The following SIPA1L3 variants were observed in gnomAD, a reference collection of about 807,000 sequenced individuals.
SIPA1L3 encodes signal-induced proliferation-associated 1-like protein 3.
Under a neutral mutation model 150.1 loss-of-function variants are expected in SIPA1L3, and 59 were observed. That is an observed-to-expected ratio of 0.39 (90% CI 0.32 to 0.49). The LOEUF is 0.49. Ranked by LOEUF, SIPA1L3 falls within the 20% of genes least tolerant of loss-of-function variation. The probability of loss-of-function intolerance (pLI) is 0.86; values close to 1 mark genes in which losing one functional copy is unlikely to be tolerated. For missense variants in SIPA1L3, 2,211 were observed against 2,489.5 expected (o/e 0.89, Z 2.38); for synonymous variants, 1,070 against 1,077.6 (o/e 0.99, Z 0.14).
intron 1 of SIPA1L3, among the ~76,000 whole-genome samples, chr19:38,018,182 T>TTTA (rs1369224810): frequency 6.8e-6 from 1 of 147,404 alleles, no homozygotes; most frequent in Admixed American, 6.8e-5. Flanking sequence ...TTTTTTTTTT[T>TTTA]AGGCAGAGTC....
At chr19:38,127,728 G>T (rs1224015140) in intron 9 of SIPA1L3, among the ~76,000 whole-genome samples, 1 of 151,918 alleles carries the variant, frequency 6.6e-6, no homozygotes, top group African/African-American at 2.4e-5. Flanking sequence ...TGAACTCCTG[G>T]GCTCAAGCAG....
In SIPA1L3 at chr19:37,963,290, T is replaced by C. The variant is rs560593589; in HGVS notation, c.-379+55932T>C. On this transcript the variant is annotated intron_variant, in intron 1 of 21. Coordinates refer to ENST00000222345, the MANE Select transcript of SIPA1L3 (RefSeq NM_015073.3). ...CAGCAAGGGCCCCCTCTAGTCTCTC[T>C]GGAGCTTGTGTGCAACCTTGTATAT... Among the ~76,000 whole-genome samples, 4 of 152,376 alleles carry C rather than the reference T, an allele frequency of 2.6e-5. No homozygotes were observed. The South Asian group carries it at 8.3e-4, about 32-fold the overall frequency.
At chr19:37,948,973 CG>C (rs1028177774) in intron 1 of SIPA1L3, among the ~76,000 whole-genome samples, 1 of 152,100 alleles carries the variant, frequency 6.6e-6, no homozygotes, top group African/African-American at 2.4e-5. Context: ...AGGAGGGCAG[CG>C]GGGGAGAATG....
intron 18 of SIPA1L3, among the ~76,000 whole-genome samples, chr19:38,195,825 C>G (rs908332124): frequency 4.2e-5 from 6 of 141,972 alleles, no homozygotes; most frequent in Non-Finnish European, 7.7e-5. Flanking sequence ...TCTCTCACCC[C>G]CCTCCGTCCC....
chr19:38,160,304 G>A (rs1032314599), intron 13 of SIPA1L3, among the ~76,000 whole-genome samples: 1 of 151,776 alleles, frequency 6.6e-6, no homozygotes, highest in Admixed American at 6.6e-5. Context: ...ATGAGCCACC[G>A]CACCTGGCCA....
intron 1 of SIPA1L3, among the ~76,000 whole-genome samples, chr19:37,960,228 T>A (rs765363117): frequency 3.3e-5 from 5 of 152,166 alleles, no homozygotes; most frequent in Admixed American, 3.3e-4. Flanking sequence ...CTCTCAGTCT[T>A]TGTCTGGGAA....
At chr19:37,982,231 G>A (rs1029590906) in intron 1 of SIPA1L3, among the ~76,000 whole-genome samples, 9 of 152,194 alleles carry the variant, frequency 5.9e-5, no homozygotes, top group African/African-American at 1.7e-4. Context: ...AGAGAAAGGC[G>A]GCAGAACCAG....
chr19:37,968,367 C>T (rs562848171), intron 1 of SIPA1L3, among the ~76,000 whole-genome samples: 3 of 152,262 alleles, frequency 2.0e-5, no homozygotes, highest in Admixed American at 6.5e-5. Context: ...CCACCGCGCC[C>T]GGCCGGCCTC....
At chr19:37,995,141 C>T (rs1456856991) in intron 1 of SIPA1L3, among the ~76,000 whole-genome samples, 1 of 152,174 alleles carries the variant, frequency 6.6e-6, no homozygotes, top group African/African-American at 2.4e-5. Context: ...TACCCCTCCT[C>T]CCAGCAGACC....
At chr19:38,174,521 T>C (rs1056909282) in intron 15 of SIPA1L3, among the ~76,000 whole-genome samples, 1 of 152,126 alleles carries the variant, frequency 6.6e-6, no homozygotes, top group Non-Finnish European at 1.5e-5. Context: ...CCTTAGGTGC[T>C]CTGAGGCTCA....
intron 15 of SIPA1L3, among the ~76,000 whole-genome samples, chr19:38,169,717 A>G (rs1051730913): frequency 6.6e-6 from 1 of 152,224 alleles, no homozygotes; most frequent in African/African-American, 2.4e-5. Context: ...CTGGTCCAAG[A>G]CCTGTTACAG....
At chr19:38,067,258 T>C (rs1160393669) in intron 2 of SIPA1L3, among the ~76,000 whole-genome samples, 8 of 152,044 alleles carry the variant, frequency 5.3e-5, no homozygotes, top group African/African-American at 1.9e-4. Context: ...TTCTAACTTA[T>C]TCTTTCTATT....
chr19:37,918,407 G>A (rs1037503441), intron 1 of SIPA1L3, among the ~76,000 whole-genome samples: 1 of 151,652 alleles, frequency 6.6e-6, no homozygotes, highest in South Asian at 2.1e-4. Context: ...CTACAGGTGC[G>A]CGCCACCACA....
At chr19:37,956,076 A>G (rs1205157505) in intron 1 of SIPA1L3, among the ~76,000 whole-genome samples, 1 of 152,192 alleles carries the variant, frequency 6.6e-6, no homozygotes, top group African/African-American at 2.4e-5. Flanking sequence ...TACAGTATCA[A>G]ACTCCTGGGC....
chr19:38,102,511 T>C (rs12982734), intron 6 of SIPA1L3, among the ~76,000 whole-genome samples: 46,476 of 149,944 alleles, frequency 0.31, 7,971 homozygotes, highest in East Asian at 0.61. Context: ...AATCCCAACA[T>C]TTTGGGAGGC....
At position 37,989,697 on chromosome 19, in the gene SIPA1L3, G is replaced by A. The variant is rs184539639; in HGVS notation, c.-378-39392G>A. ...TTTTTTTTTTTTGAGATGGAGTCTC[G>A]CTCTGTCACCCAGGCTGGAGTGCAA... On this transcript the variant is annotated intron_variant, in intron 1 of 21. Transcript: ENST00000222345. Among the ~76,000 whole-genome samples the A allele has an allele frequency of 2.6e-3, 346 of 134,142 alleles. 2 individuals carry two copies. The highest frequency in any genetic ancestry group is 9.4e-3 in the African/African-American group (332 of 35,248). The allele number at this position is 134,142 out of a possible 152,430, so 88.0% of individuals were successfully genotyped here.
rs117973468 is a variant in SIPA1L3, at chr19:38,033,914, C to T, written c.-311+4758C>T. 3.4e-4 allele frequency among the ~76,000 whole-genome samples: 52 copies of T among 152,208 alleles called. No homozygotes were observed. The East Asian group carries it at 8.3e-3, about 24-fold the overall frequency. ...TTTGCATCATGGTATGTGCATTCGG[C>T]CAGGAATGTCTTCAAGTTTCAGGAA... On this transcript the variant is annotated intron_variant, in intron 2 of 21. Transcript: ENST00000222345.
intron 21 of SIPA1L3, 104 bp downstream of exon 21, chr19:38,204,312 C>T (rs1367430216): frequency 1.2e-6 from 1 of 800,948 alleles, no homozygotes; most frequent in Non-Finnish European, 2.0e-6. Context: ...CCCACCCCAC[C>T]CCCACACCTC....
Position 38,182,630 on chromosome 19 carries a change from C to T in SIPA1L3, c.4320C>T (p.Ser1440=), listed in dbSNP as rs145977719. Residue 1440 remains serine (S), a synonymous_variant, in exon 16 of 22, where the codon TCC becomes TCT. Coordinates refer to ENST00000222345, the MANE Select transcript of SIPA1L3 (RefSeq NM_015073.3). ...AQPSPFQLSA[S]VPKSFFSKQP... ...CCAGCCCCTTTCAGCTCTCCGCCTC[C>T]GTCCCCAAGTCCTTCTTCTCCAAGC... The T allele has an allele frequency of 1.4e-4, 224 of 1,614,068 alleles. 3 individuals carry two copies. The highest frequency in any genetic ancestry group is 1.5e-4 in the South Asian group (14 of 91,090).
Sources: allele counts gnomAD v4.1 joint callset (sites outside exome capture counted in the v4.1 genomes callset), GRCh38; gene constraint gnomAD v4.1.1; transcripts MANE v1.5; gene names NCBI Gene and HGNC (gene_info 2026-07-23, HGNC 2026-07-21).